MACF1: variants seen among roughly 807,000 people sequenced by gnomAD.
MACF1 encodes the protein microtubule-actin cross-linking factor 1.
Under a neutral mutation model 854.8 loss-of-function variants are expected in MACF1, and 193 were observed. That is an observed-to-expected ratio of 0.23 (90% CI 0.20 to 0.25). The LOEUF (loss-of-function observed/expected upper bound fraction) is 0.25, where lower values mean the gene tolerates loss of function less well. Ranked by LOEUF, MACF1 falls within the 10% of genes least tolerant of loss-of-function variation. MACF1 has a pLI of 1.00. For synonymous variants in MACF1, 3,185 were observed against 3,226.7 expected (o/e 0.99, Z 0.44); for missense variants, 7,722 against 8,929.1 (o/e 0.86, Z 5.45).
Position 39,228,342 on chromosome 1 carries a change from T to C in MACF1, c.110-2840T>C, listed in dbSNP as rs376192480. On this transcript the variant is annotated intron_variant, in intron 1 of 100. Transcript: ENST00000564288. The stretch of plus-strand genomic sequence containing the variant: ...AGACAAAAAAAGGGAATGAACGAGG[T>C]GGATTTTAAAGAATAAATACCATTT... Among the ~76,000 whole-genome samples the C allele has an allele frequency of 1.2e-4, 19 of 152,098 alleles. No homozygotes were observed. In the South Asian group the frequency reaches 3.5e-3, roughly 28 times the overall value.
intron 36 of MACF1, among the ~76,000 whole-genome samples, chr1:39,330,115 G>C (rs1646692022): frequency 6.6e-6 from 1 of 152,224 alleles, no homozygotes. Context: ...CTAGTAATAA[G>C]TGATAGCTGT....
intron 71 of MACF1, 55 bp downstream of exon 71, chr1:39,438,063 G>A: frequency 2.0e-6 from 3 of 1,494,966 alleles, no homozygotes; most frequent in Non-Finnish European, 2.8e-6. Context: ...TCTAGGCTGT[G>A]GTTATCTTCA....
chr1:39,287,346 G>C lies in MACF1; in HGVS notation c.1569G>C (p.Arg523=). The change falls in exon 15 of 101, where the codon CGG becomes CGC. Residue 523 remains arginine, a synonymous_variant. Coordinates refer to ENST00000564288, the MANE Select transcript of MACF1 (RefSeq NM_001394062.1). Reference sequence around the variant, plus strand: ...GTCTAGAGTGTACAAACCTGTACCGGAAGGGTCATTTCACTTCACTTGAAT... The same window carrying C: ...GTCTAGAGTGTACAAACCTGTACCGCAAGGGTCATTTCACTTCACTTGAAT... The part of the protein sequence containing the change: ...TLRLECTNLY[R]KGHFTSLELV... 2 of 1,614,128 alleles carry C rather than the reference G, an allele frequency of 1.2e-6. No homozygotes were observed. The highest frequency in any genetic ancestry group is 1.7e-6 in the Non-Finnish European group (2 of 1,180,026).
At chr1:39,182,991 GCATATCCATA>G (rs1257637101) in intron 2 of MACF1, among the ~76,000 whole-genome samples, 70 of 152,290 alleles carry the variant, frequency 4.6e-4, no homozygotes, top group African/African-American at 1.4e-3. Flanking sequence ...ACACACTGTG[GCATATCCATA>G]CAACAGAATA....
At position 39,297,728 on chromosome 1, in the gene MACF1, C is replaced by G. The variant is rs1309011952; in HGVS notation, c.2464C>G (p.Leu822Val). Residue 822 changes from leucine to valine, a missense_variant, in exon 21 of 101, where the codon CTG (leucine) becomes GTG (valine). Transcript: ENST00000564288. ...CACCAGCTTATCCCGCCTTGAAGAC[C>G]TGCTCCAGGACTCCATGGTGGGTGT... ...HNTSLSRLED[L>V]LQDSMDEKEQ... 1 of 1,614,130 alleles carries G rather than the reference C, an allele frequency of 6.2e-7. No homozygotes were observed. Among genetic ancestry groups the G allele is most frequent in the Non-Finnish European group, 8.5e-7 (1 of 1,180,026 alleles).
intron 44 of MACF1, among the ~76,000 whole-genome samples, chr1:39,354,660 A>G (rs1022750220): frequency 1.3e-5 from 2 of 152,032 alleles, no homozygotes; most frequent in Non-Finnish European, 2.9e-5. Flanking sequence ...TCACCTCCCA[A>G]AGTGTTGGGA....
At chr1:39,220,978 T>G (rs1644645266) in intron 1 of MACF1, among the ~76,000 whole-genome samples, 1 of 152,136 alleles carries the variant, frequency 6.6e-6, no homozygotes, top group Admixed American at 6.6e-5. Context: ...GAAGCAAGAC[T>G]TCAGCTGGAC....
At position 39,340,938 on chromosome 1, in the gene MACF1, C is replaced by T. The variant is rs3116396; in HGVS notation, c.10566C>T (p.Cys3522=). ...SEIDVDSLNL[C]LQQYEDLKQP... is the part of the protein sequence containing the mutation. ...TAGATGTTGACAGCCTGAACCTCTG[C>T]CTCCAACAGTATGAGGTAAACTCAA... is the stretch of plus-strand genomic sequence containing the variant. The change falls in exon 40 of 101, where the codon TGC becomes TGT. Residue 3522 remains cysteine (C), a synonymous_variant. Transcript: ENST00000564288. The T allele has an allele frequency of 0.99, 1,591,890 of 1,608,576 alleles. 788,096 individuals are homozygous for T. Among genetic ancestry groups the T allele is most frequent in the Non-Finnish European group, 1 (1,174,128 of 1,178,152 alleles).
At chr1:39,151,896 T>C (rs1013670181) in intron 2 of MACF1, among the ~76,000 whole-genome samples, 4 of 152,196 alleles carry the variant, frequency 2.6e-5, no homozygotes, top group Non-Finnish European at 5.9e-5. Context: ...ATATGAATGA[T>C]TAAGAAGGGT....
intron 2 of MACF1, among the ~76,000 whole-genome samples, chr1:39,148,308 G>A (rs1487499579): frequency 1.3e-5 from 2 of 152,128 alleles, no homozygotes; most frequent in Non-Finnish European, 2.9e-5. Flanking sequence ...GCTTTCTCCA[G>A]ATAAAGAATG....
At chr1:39,387,014 C>T (rs956275128) in intron 57 of MACF1, among the ~76,000 whole-genome samples, 173 bp from the exon 58 acceptor site, 9 of 152,142 alleles carry the variant, frequency 5.9e-5, no homozygotes, top group Middle Eastern at 3.2e-3. Flanking sequence ...AAGGTTGATA[C>T]GAGGATTAAA....
At chr1:39,347,383 G>A (rs553351901) in intron 41 of MACF1, among the ~76,000 whole-genome samples, 173 bp downstream of exon 41, 1 of 152,332 alleles carries the variant, frequency 6.6e-6, no homozygotes, top group East Asian at 1.9e-4. Context: ...TGTTCTGGCT[G>A]TTGTTCTTGC....
In MACF1 at chr1:39,318,986, AT is replaced by A. The variant is rs143808343; in HGVS notation, c.3945+375del. On this transcript the variant is annotated intron_variant, in intron 30 of 100. Transcript: ENST00000564288. ...ATTCTTTTTTTTTTGAAAATGATTT[AT>A]TTTAAGCATTTTTTTTTTGTTGGTA... 6.7e-3 allele frequency among the ~76,000 whole-genome samples: 1,016 copies of A among 150,982 alleles called. 12 individuals carry two copies. The highest frequency in any genetic ancestry group is 0.024 in the African/African-American group (967 of 40,952).
At chr1:39,311,410 ATGCTCTGTCTGTGACTT>A (rs1207260102) in intron 26 of MACF1, among the ~76,000 whole-genome samples, 1 of 152,216 alleles carries the variant, frequency 6.6e-6, no homozygotes, top group Non-Finnish European at 1.5e-5. Context: ...GCTCTGATAC[ATGCTCTGTCTGTGACTT>A]TGAGCAAGTG....
rs1646721422 is a variant in MACF1 at position 39,331,261 on chromosome 1, T to G, written c.4673T>G (p.Phe1558Cys). ...GGCACAGTGGAGATATTTCCCATCT[T>G]CAAAGCCATGCAAAAGGGCCTCCTT... ...DLGTVEIFPI[F>C]KAMQKGLLDQ... Residue 1558 changes from phenylalanine to cysteine, a missense_variant, in exon 37 of 101, where the codon TTC becomes TGC. Around this residue, in one of 15 missense-constraint regions of MACF1, gnomAD observed 1,531 missense variants for 1,601.6 expected, o/e 0.96. Coordinates refer to ENST00000564288, the MANE Select transcript of MACF1 (RefSeq NM_001394062.1). 1 of 1,602,846 alleles carries G rather than the reference T, an allele frequency of 6.2e-7. No homozygotes were observed. Among genetic ancestry groups the G allele is most frequent in the Non-Finnish European group, 8.5e-7 (1 of 1,174,994 alleles).
intron 10 of MACF1, 61 bp from the exon 11 acceptor site, chr1:39,284,272 G>A: frequency 6.4e-7 from 1 of 1,563,022 alleles, no homozygotes; most frequent in Non-Finnish European, 8.7e-7. Context: ...TAGGTGAGGT[G>A]GTATGAAAAA....
chr1:39,246,756 C>T (rs1644986071), intron 2 of MACF1, among the ~76,000 whole-genome samples: 1 of 151,946 alleles, frequency 6.6e-6, no homozygotes, highest in African/African-American at 2.4e-5. Flanking sequence ...GTGATCCACC[C>T]ACCTCAGGCT....
chr1:39,332,134 TG>T lies in MACF1; in HGVS notation c.5550del (p.Leu1851CysfsTer16), dbSNP rs771690863. 1 of 1,614,122 alleles carries T rather than the reference TG, an allele frequency of 6.2e-7. No homozygotes were observed. Among genetic ancestry groups the T allele is most frequent in the Non-Finnish European group, 8.5e-7 (1 of 1,180,016 alleles). On this transcript the variant is annotated frameshift_variant, in exon 37 of 101. Transcript: ENST00000564288. LOFTEE classifies it high-confidence loss of function. ...ATTCTGGAGTCCCTCTGGTCATTCA[TG>T]GGGTTGCTGTGGCCTGAATCTGGAG... ...LVILESLWSF[M>X]GLLWPESGEI...
chr1:39,197,755 G>A (rs1262438089), intron 2 of MACF1, among the ~76,000 whole-genome samples: 1 of 152,102 alleles, frequency 6.6e-6, no homozygotes, highest in East Asian at 1.9e-4. Context: ...GCATGGTGAT[G>A]CATGTTTATA....
Sources: gnomAD v4.1 joint callset for allele counts (sites outside exome capture counted in the v4.1 genomes callset) on GRCh38, gnomAD v4.1.1 for gene constraint, gnomAD v4.1.1 regional missense constraint, MANE v1.5 for transcripts, NCBI Gene and HGNC (gene_info 2026-07-23, HGNC 2026-07-21) for gene names.